The following SUGCT variants were observed in gnomAD, a reference collection of about 807,000 sequenced individuals.
The protein encoded by SUGCT is succinyl-CoA:glutarate CoA-transferase.
SUGCT carries 41 observed loss-of-function variants against 55.0 expected under a neutral mutation model. That is an observed-to-expected ratio of 0.74 (90% CI 0.58 to 0.97). The LOEUF is 0.97. Ranked by LOEUF, SUGCT falls within the 50% of genes least tolerant of loss-of-function variation. The probability of loss-of-function intolerance (pLI) is 0.00; values close to 1 mark genes in which losing one functional copy is unlikely to be tolerated. For synonymous variants in SUGCT, 187 were observed against 200.4 expected, an observed-to-expected ratio of 0.93 and a Z score of 0.56; for missense variants, 568 against 547.8, an observed-to-expected ratio of 1.04 and a Z score of -0.37.
At chr7:40,631,284 G>T (rs1200136591) in intron 12 of SUGCT, among the ~76,000 whole-genome samples, 8 of 152,038 alleles carry the variant, frequency 5.3e-5, no homozygotes, top group African/African-American at 1.9e-4. Context: ...ATAGACTCCT[G>T]ATTTGATTTA....
Position 40,664,979 on chromosome 7 carries a change from CAAAA to C in SUGCT, c.1090-84440_1090-84437del, listed in dbSNP as rs11344902. On this transcript the variant is annotated intron_variant, in intron 12 of 13. Coordinates refer to ENST00000335693, the MANE Select transcript of SUGCT (RefSeq NM_001193313.2). Reference sequence around the variant, plus strand: ...TGGGAGACAGTGAGAGACTCTGTCTCAAAAAAAAAAAAAAAAAATCTTTTTCTGT... The same window carrying C: ...TGGGAGACAGTGAGAGACTCTGTCTCAAAAAAAAAAAAAATCTTTTTCTGT... 2.8e-3 allele frequency among the ~76,000 whole-genome samples: 309 copies of C among 109,424 alleles called. 2 individuals carry two copies. Among genetic ancestry groups the C allele is most frequent in the African/African-American group, 7.9e-3 (271 of 34,162 alleles). 71.8% of individuals were successfully genotyped at this position (109,424 alleles called of 152,430 possible).
chr7:40,224,399 CGT>C (rs61318990), intron 6 of SUGCT, among the ~76,000 whole-genome samples: 10,482 of 145,204 alleles, frequency 0.072, 752 homozygotes, highest in African/African-American at 0.2. Context: ...ATAATCTGTG[CGT>C]GTGTGTGTGT....
intron 12 of SUGCT, among the ~76,000 whole-genome samples, chr7:40,540,769 T>G (rs1237811565): frequency 6.6e-6 from 1 of 152,224 alleles, no homozygotes; most frequent in African/African-American, 2.4e-5. Context: ...GGAGACTGAT[T>G]GTGTATGTCG....
intron 9 of SUGCT, among the ~76,000 whole-genome samples, chr7:40,389,216 G>A (rs899565533): frequency 2.0e-5 from 3 of 152,216 alleles, no homozygotes; most frequent in Non-Finnish European, 4.4e-5. Flanking sequence ...TTGGGAGGCC[G>A]AGGCAGGTGG....
At chr7:40,848,992 A>G (rs61218900) in intron 13 of SUGCT, among the ~76,000 whole-genome samples, 4 of 152,182 alleles carry the variant, frequency 2.6e-5, no homozygotes, top group African/African-American at 9.7e-5. Context: ...ACTGGAAGGG[A>G]AATTGTGCAA....
intron 13 of SUGCT, among the ~76,000 whole-genome samples, chr7:40,799,488 T>C (rs1484472402): frequency 2.0e-5 from 3 of 152,252 alleles, no homozygotes; most frequent in Admixed American, 2.0e-4. Context: ...AGTAAAAGGA[T>C]AGACAAGGGT....
intron 6 of SUGCT, among the ~76,000 whole-genome samples, chr7:40,197,348 C>T (rs1212835256): frequency 6.6e-6 from 1 of 152,170 alleles, no homozygotes; most frequent in African/African-American, 2.4e-5. Flanking sequence ...GGTTTAAAAT[C>T]TTAATATAGG....
At chr7:40,821,976 T>C (rs1264413622) in intron 13 of SUGCT, among the ~76,000 whole-genome samples, 2 of 152,214 alleles carry the variant, frequency 1.3e-5, no homozygotes, top group African/African-American at 2.4e-5. Flanking sequence ...TGTGTTCTCA[T>C]TGGTTTCAAA....
intron 9 of SUGCT, among the ~76,000 whole-genome samples, chr7:40,347,812 C>A (rs1341305461): frequency 6.6e-6 from 1 of 152,198 alleles, no homozygotes; most frequent in Non-Finnish European, 1.5e-5. Flanking sequence ...TATACAAACA[C>A]CTCTTGAAAA....
At chr7:40,686,015 T>C (rs1310859302) in intron 12 of SUGCT, among the ~76,000 whole-genome samples, 1 of 152,228 alleles carries the variant, frequency 6.6e-6, no homozygotes, top group African/African-American at 2.4e-5. Flanking sequence ...ATTTTATAGC[T>C]CATCTATCCA....
intron 9 of SUGCT, among the ~76,000 whole-genome samples, chr7:40,359,049 A>G (rs1253517682): frequency 6.6e-6 from 1 of 152,214 alleles, no homozygotes; most frequent in Non-Finnish European, 1.5e-5. Context: ...GCAAGTTTTT[A>G]GTCATCACTT....
chr7:40,869,127 T>C, the SUGCT span, among the ~76,000 whole-genome samples: 2 of 152,134 alleles, frequency 1.3e-5, no homozygotes, highest in Non-Finnish European at 2.9e-5. Context: ...ACACACACTG[T>C]CTCTCAGTTA....
At position 40,189,642 on chromosome 7, in the gene SUGCT, G is replaced by A. The variant is rs750224714; in HGVS notation, c.363+48G>A. On this transcript the variant is annotated intron_variant, in intron 5 of 13. Transcript: ENST00000335693. ...CATCCTACCACCTAGGTTATAATTA[G>A]GGTTTGGAATATCAGAGCAAAAGTG... is the stretch of plus-strand genomic sequence containing the variant. 4 of 1,094,560 alleles carry A rather than the reference G, an allele frequency of 3.7e-6. No individual in the cohort carries two copies. The African/African-American group carries it at 6.5e-5, about 18-fold the overall frequency. 67.8% of individuals were successfully genotyped at this position (1,094,560 alleles called of 1,614,324 possible).
At chr7:40,895,098 A>G in the SUGCT span, among the ~76,000 whole-genome samples, 1 of 152,222 alleles carries the variant, frequency 6.6e-6, no homozygotes, top group Non-Finnish European at 1.5e-5. Context: ...AAGAAAATGT[A>G]CATATTCATC....
chr7:40,897,991 C>G, the SUGCT span, among the ~76,000 whole-genome samples: 13,145 of 152,194 alleles, frequency 0.086, 655 homozygotes, highest in South Asian at 0.15. Flanking sequence ...AGTGGCCACC[C>G]GCTCAGGTTC....
At chr7:41,000,124 CA>C in the SUGCT span, among the ~76,000 whole-genome samples, 2 of 152,040 alleles carry the variant, frequency 1.3e-5, no homozygotes, top group African/African-American at 2.4e-5. Context: ...AATTGTAATT[CA>C]AATTCAAAGC....
chr7:40,839,994 T>G (rs921725540), intron 13 of SUGCT, among the ~76,000 whole-genome samples: 3 of 152,196 alleles, frequency 2.0e-5, no homozygotes, highest in African/African-American at 7.2e-5. Context: ...TTTCTCATTT[T>G]CTGCTTCCTT....
At chr7:40,394,305 T>C (rs1053672646) in intron 9 of SUGCT, among the ~76,000 whole-genome samples, 1 of 152,120 alleles carries the variant, frequency 6.6e-6, no homozygotes, top group African/African-American at 2.4e-5. Context: ...GGTTAGCAAA[T>C]GGGTTTTTTT....
chr7:40,235,256 T>C (rs576334723), intron 6 of SUGCT, among the ~76,000 whole-genome samples: 2 of 152,340 alleles, frequency 1.3e-5, no homozygotes, highest in Admixed American at 6.5e-5. Flanking sequence ...CTGGGTAGAT[T>C]AATTGGTGAT....
Sources: allele counts gnomAD v4.1 joint callset (sites outside exome capture counted in the v4.1 genomes callset), GRCh38; gene constraint gnomAD v4.1.1; transcripts MANE v1.5; gene names NCBI Gene and HGNC (gene_info 2026-07-23, HGNC 2026-07-21).